Variants in CD44 observed in about 807,000 individuals in gnomAD.
The protein encoded by CD44 is CD44 antigen.
Under a neutral mutation model 88.8 loss-of-function variants are expected in CD44, and 49 were observed. The observed-to-expected ratio is 0.55, with a 90% CI of 0.44 to 0.70. The LOEUF (loss-of-function observed/expected upper bound fraction) is 0.70, where lower values mean the gene tolerates loss of function less well. Ranked by LOEUF, CD44 falls within the 30% of genes least tolerant of loss-of-function variation. CD44 has a pLI of 0.00. For missense variants in CD44, 883 were observed against 913.8 expected, an observed-to-expected ratio of 0.97 and a Z score of 0.43; for synonymous variants, 325 against 312.3, an observed-to-expected ratio of 1.04 and a Z score of -0.43.
chr11:35,188,013 C>T (rs761123486), intron 4 of CD44, among the ~76,000 whole-genome samples: 8 of 152,122 alleles, frequency 5.3e-5, no homozygotes, highest in Non-Finnish European at 7.4e-5. Context: ...CCTATTCCAG[C>T]ACTTTAGAAA....
intron 17 of CD44, chr11:35,223,193 G>T: frequency 2.0e-6 from 2 of 984,536 alleles, no homozygotes; most frequent in Non-Finnish European, 2.4e-6. Flanking sequence ...TGATTGAATG[G>T]AAAGATTTTT....
At chr11:35,152,394 TG>T (rs1860494839) in intron 1 of CD44, among the ~76,000 whole-genome samples, 1 of 152,200 alleles carries the variant, frequency 6.6e-6, no homozygotes, top group African/African-American at 2.4e-5. Flanking sequence ...AAATAGCCCC[TG>T]GGTAAGATTA....
At chr11:35,209,090 T>C (rs1948162754) in intron 12 of CD44, among the ~76,000 whole-genome samples, 2 of 152,334 alleles carry the variant, frequency 1.3e-5, no homozygotes, top group East Asian at 1.9e-4. Flanking sequence ...TGTTCTGACA[T>C]TGGGTTTGGG....
Position 35,231,764 on chromosome 11 carries a change from GTC to G in CD44, c.*2432_*2433del, listed in dbSNP as rs1353762107. ...ATGATTTTCAGGTGACCTGGGCTAAGTCATTTAAACTGGGTCTTTATAAAAGT... is the reference window on the plus strand; with the variant it reads ...ATGATTTTCAGGTGACCTGGGCTAAGATTTAAACTGGGTCTTTATAAAAGT... On this transcript the variant is annotated 3_prime_UTR_variant, in exon 18 of 18. Coordinates refer to ENST00000428726, the MANE Select transcript of CD44 (RefSeq NM_000610.4). 1 of 152,182 alleles carries G rather than the reference GTC, an allele frequency of 6.6e-6. No homozygotes were observed. The highest frequency in any genetic ancestry group is 1.5e-5 in the Non-Finnish European group (1 of 68,010). The allele number at this position is 152,182 out of a possible 1,614,324, so 9.4% of individuals were successfully genotyped here. A position where few individuals can be genotyped will look rare whatever the true frequency, so the allele number is the denominator to read the frequency against.
intron 3 of CD44, among the ~76,000 whole-genome samples, chr11:35,185,725 A>G (rs1945606378): frequency 6.6e-6 from 1 of 152,240 alleles, no homozygotes; most frequent in Non-Finnish European, 1.5e-5. Flanking sequence ...TAAAAGCTGT[A>G]ATGCACAAAT....
chr11:35,220,837 G>A (rs1406735211), intron 16 of CD44, among the ~76,000 whole-genome samples: 1 of 146,176 alleles, frequency 6.8e-6, no homozygotes, highest in Non-Finnish European at 1.5e-5. Flanking sequence ...CGCGACCTCG[G>A]CCCACTGCAA....
chr11:35,231,758 G>A lies in CD44; in HGVS notation c.*2425G>A, dbSNP rs544566071. On this transcript the variant is annotated 3_prime_UTR_variant, in exon 18 of 18. Transcript: ENST00000428726. Reference sequence around the variant, plus strand: ...TTACCAATGATTTTCAGGTGACCTGGGCTAAGTCATTTAAACTGGGTCTTT... The same window carrying A: ...TTACCAATGATTTTCAGGTGACCTGAGCTAAGTCATTTAAACTGGGTCTTT... The A allele has an allele frequency of 6.6e-6, 1 of 152,210 alleles. No individual in the cohort carries two copies. The highest frequency in any genetic ancestry group is 6.5e-5 in the Admixed American group (1 of 15,288). The allele number at this position is 152,210 out of a possible 1,614,324, so 9.4% of individuals were successfully genotyped here.
At chr11:35,172,440 A>G (rs575423303) in intron 1 of CD44, among the ~76,000 whole-genome samples, 11 of 152,336 alleles carry the variant, frequency 7.2e-5, no homozygotes, top group African/African-American at 2.6e-4. Flanking sequence ...TGTAAGCTGA[A>G]CCAGTTGAGA....
At chr11:35,187,036 G>A (rs1475047251) in intron 4 of CD44, 136 bp downstream of exon 4, 5 of 613,604 alleles carry the variant, frequency 8.1e-6, no homozygotes, top group Non-Finnish European at 1.2e-5. Flanking sequence ...ACTTTGGGAG[G>A]CTGAGGTGGG....
chr11:35,206,322 G>A lies in CD44; in HGVS notation c.1414+79G>A, dbSNP rs557976350. On this transcript the variant is annotated intron_variant, in intron 11 of 17. Transcript: ENST00000428726. Reference sequence around the variant, plus strand: ...CTGCTGACTATTTTTCTAGAAATATGCCCTTGGTTTTAGACCAAACTACTT... The same window carrying A: ...CTGCTGACTATTTTTCTAGAAATATACCCTTGGTTTTAGACCAAACTACTT... The A allele has an allele frequency of 3.5e-5, 51 of 1,440,700 alleles. No individual in the cohort carries two copies. In the African/African-American group the frequency reaches 7.0e-4, roughly 20 times the overall value. 89.2% of individuals were successfully genotyped at this position (1,440,700 alleles called of 1,614,324 possible).
intron 15 of CD44, 194 bp downstream of exon 15, chr11:35,215,108 G>A (rs2134257783): frequency 2.5e-6 from 1 of 399,184 alleles, no homozygotes; most frequent in South Asian, 1.1e-4. Context: ...GTAGGTCTGG[G>A]GTGGAGCCCA....
At chr11:35,228,983 A>G in intron 17 of CD44, 146 bp from the exon 18 acceptor site, 1 of 650,916 alleles carries the variant, frequency 1.5e-6, no homozygotes, top group South Asian at 2.1e-5. Context: ...TTGTTAAAGT[A>G]GAGAAAACCC....
chr11:35,152,002 A>G (rs1181846441), intron 1 of CD44, among the ~76,000 whole-genome samples: 2 of 152,340 alleles, frequency 1.3e-5, no homozygotes, highest in Middle Eastern at 3.4e-3. Context: ...GACAAAAGTG[A>G]TGCCTCACCC....
In CD44 at chr11:35,204,590, G is replaced by A. The variant is rs764740436; in HGVS notation, c.1232G>A (p.Gly411Glu). Residue 411 changes from glycine to glutamate, a missense_variant, in exon 10 of 18, where the codon GGA (glycine) becomes GAA (glutamate). Gly to Glu is a moderately conservative substitution (Grantham distance 98). This residue lies in a region of CD44 where 631 missense variants were observed against 590.9 expected (regional missense o/e 1.07). Transcript: ENST00000428726. Reference sequence around the variant, plus strand: ...TGGTTTGGCAACAGATGGCATGAGGGATATCGCCAAACACCCAAAGAAGAC... The same window carrying A: ...TGGTTTGGCAACAGATGGCATGAGGAATATCGCCAAACACCCAAAGAAGAC... ...EQWFGNRWHE[G>E]YRQTPKEDSH... 2 of 1,612,824 alleles carry A rather than the reference G, an allele frequency of 1.2e-6. No individual in the cohort carries two copies. Among genetic ancestry groups the A allele is most frequent in the African/African-American group, 2.7e-5 (2 of 74,860 alleles).
At chr11:35,190,773 G>A (rs1334865021) in intron 5 of CD44, among the ~76,000 whole-genome samples, 2 of 152,190 alleles carry the variant, frequency 1.3e-5, no homozygotes, top group Non-Finnish European at 2.9e-5. Flanking sequence ...AGAGTTTTCT[G>A]GTGAAATTAA....
chr11:35,206,390 A>G, intron 11 of CD44, 147 bp downstream of exon 11: 1 of 720,980 alleles, frequency 1.4e-6, no homozygotes, highest in Non-Finnish European at 2.2e-6. Flanking sequence ...TTTTCTTGGT[A>G]GGAGTGATAC....
rs1404545376 is a variant in CD44, at chr11:35,193,122, T to C, written c.667+3057T>C. On this transcript the variant is annotated intron_variant, in intron 5 of 17. Coordinates refer to ENST00000428726, the MANE Select transcript of CD44 (RefSeq NM_000610.4). ...AAAATTGGCTCCTATTTCTCTACTC[T>C]CTGTTCTGAACTAATGTGTCCTTTG... Among the ~76,000 whole-genome samples, 5 of 152,176 alleles carry C rather than the reference T, an allele frequency of 3.3e-5. No individual in the cohort carries two copies. In the East Asian group the frequency reaches 9.6e-4, roughly 29 times the overall value.
intron 1 of CD44, among the ~76,000 whole-genome samples, chr11:35,165,588 A>C (rs952423252): frequency 1.3e-5 from 2 of 152,176 alleles, no homozygotes; most frequent in Non-Finnish European, 2.9e-5. Context: ...AATGTGTCTT[A>C]ATTCATATGA....
At chr11:35,208,724 C>A (rs935034029) in intron 12 of CD44, among the ~76,000 whole-genome samples, 9 of 152,164 alleles carry the variant, frequency 5.9e-5, no homozygotes, top group African/African-American at 1.9e-4. Flanking sequence ...ACAACAACAA[C>A]AAAACATTGC....
Sources: allele counts gnomAD v4.1 joint callset (sites outside exome capture counted in the v4.1 genomes callset), GRCh38; gene constraint gnomAD v4.1.1; regional missense constraint gnomAD v4.1.1; transcripts MANE v1.5; gene names NCBI Gene and HGNC (gene_info 2026-07-23, HGNC 2026-07-21).